The following CDH4 variants were observed in gnomAD, a reference collection of about 807,000 sequenced individuals.
CDH4 encodes the protein cadherin-4.
Under a neutral mutation model 86.0 loss-of-function variants are expected in CDH4, and 33 were observed. The observed-to-expected ratio is 0.38, with a 90% CI of 0.29 to 0.51. The LOEUF (loss-of-function observed/expected upper bound fraction) is 0.51, where lower values mean the gene tolerates loss of function less well. Ranked by LOEUF, CDH4 falls within the 20% of genes least tolerant of loss-of-function variation. The pLI is 0.86. For synonymous variants in CDH4, 555 were observed against 549.4 expected (o/e 1.01, Z -0.14); for missense variants, 1,114 against 1,307.4 (o/e 0.85, Z 2.28).
At chr20:61,772,832 A>T (rs1446845276) in intron 3 of CDH4, among the ~76,000 whole-genome samples, 171 bp from the exon 4 acceptor site, 5 of 150,690 alleles carry the variant, frequency 3.3e-5, no homozygotes, top group African/African-American at 1.2e-4. Context: ...TTTTTCCCTA[A>T]TAGTTCCTTT....
intron 4 of CDH4, among the ~76,000 whole-genome samples, chr20:61,781,840 TAAAG>T (rs1297308727): frequency 1.3e-5 from 2 of 151,976 alleles, no homozygotes; most frequent in African/African-American, 4.8e-5. Flanking sequence ...AATGCAAAAA[TAAAG>T]AAAACATCTC....
chr20:61,879,959 A>G lies in CDH4; in HGVS notation c.1050+6059A>G, dbSNP rs1984208306. 6.6e-6 allele frequency among the ~76,000 whole-genome samples: 1 copy of G among 152,190 alleles called. No homozygotes were observed. The highest frequency in any genetic ancestry group is 2.4e-5 in the African/African-American group (1 of 41,526). Reference sequence around the variant, plus strand: ...CCAAACAAGGGGGGCCGAATTCGTGATCTCCTGGTCTGAAAGGATTCTGGG... The same window carrying G: ...CCAAACAAGGGGGGCCGAATTCGTGGTCTCCTGGTCTGAAAGGATTCTGGG... On this transcript the variant is annotated intron_variant, in intron 7 of 15. Transcript: ENST00000614565. This position sits in a 1 kb window ranked among gnomAD's most constrained non-coding sequence, Gnocchi z 4.1.
chr20:61,795,178 T>C (rs1321264991), intron 4 of CDH4, among the ~76,000 whole-genome samples: 1 of 149,952 alleles, frequency 6.7e-6, no homozygotes, highest in Non-Finnish European at 1.5e-5. Flanking sequence ...ATCATAATAA[T>C]TAAGAGGAGG....
At chr20:61,818,297 G>A (rs889100114) in intron 4 of CDH4, among the ~76,000 whole-genome samples, 3 of 152,186 alleles carry the variant, frequency 2.0e-5, no homozygotes, top group Non-Finnish European at 2.9e-5. Flanking sequence ...GGCCCTCTCT[G>A]CACTGTCCTC....
intron 2 of CDH4, among the ~76,000 whole-genome samples, chr20:61,429,222 C>A (rs1037860247): frequency 6.6e-6 from 1 of 152,148 alleles, no homozygotes; most frequent in Non-Finnish European, 1.5e-5. Context: ...GTAGGGACCA[C>A]CTTTATATCC....
intron 2 of CDH4, among the ~76,000 whole-genome samples, chr20:61,302,679 AC>A (rs1473558340): frequency 2.0e-5 from 3 of 152,132 alleles, no homozygotes; most frequent in Non-Finnish European, 2.9e-5. Context: ...TGTGAGACAC[AC>A]CTGTTTCGGT....
chr20:61,914,916 A>G (rs2054888781), intron 9 of CDH4, among the ~76,000 whole-genome samples: 2 of 152,142 alleles, frequency 1.3e-5, no homozygotes, highest in Admixed American at 1.3e-4. Context: ...TTCATGACCT[A>G]GAGAACTAGT....
intron 5 of CDH4, among the ~76,000 whole-genome samples, chr20:61,846,285 C>T (rs1233252669): frequency 1.3e-5 from 2 of 152,194 alleles, no homozygotes; most frequent in Non-Finnish European, 2.9e-5. Flanking sequence ...TGTGCTGGGC[C>T]CCCCAGGAGT....
At chr20:61,418,212 T>A (rs2085157436) in intron 2 of CDH4, among the ~76,000 whole-genome samples, 1 of 146,720 alleles carries the variant, frequency 6.8e-6, no homozygotes, top group East Asian at 2.0e-4. Context: ...TTTTTTTCTT[T>A]TTTTTTTTTT....
Position 61,252,701 on chromosome 20 carries a change from C to G in CDH4, c.57+131C>G. The stretch of plus-strand genomic sequence containing the variant: ...CCCCCGCCGCGCTCCCCGCTGCATC[C>G]AGCCCGGCGCCCGCGCTCGGCGAAG... On this transcript the variant is annotated intron_variant, in intron 1 of 15. Transcript: ENST00000614565. The surrounding 1 kb of genome is among the most constrained non-coding windows in gnomAD (Gnocchi z 4.4). 2.4e-6 allele frequency: 1 copy of G among 423,160 alleles called. No individual in the cohort carries two copies. The highest frequency in any genetic ancestry group is 1.1e-4 in the South Asian group (1 of 8,696). The allele number at this position is 423,160 out of a possible 1,614,324, so 26.2% of individuals were successfully genotyped here.
chr20:61,298,779 G>A (rs1402537636), intron 2 of CDH4, among the ~76,000 whole-genome samples: 6 of 148,030 alleles, frequency 4.1e-5, no homozygotes, highest in East Asian at 2.0e-4. Flanking sequence ...AAGTTAAGCT[G>A]CGAAGGGGTC....
At chr20:61,526,448 A>G (rs1051165994) in intron 2 of CDH4, among the ~76,000 whole-genome samples, 1 of 152,012 alleles carries the variant, frequency 6.6e-6, no homozygotes, top group South Asian at 2.1e-4. Flanking sequence ...TCATGTTTAT[A>G]TAAGTCTAAA....
chr20:61,769,450 C>T (rs2088748291), intron 3 of CDH4, among the ~76,000 whole-genome samples: 1 of 152,228 alleles, frequency 6.6e-6, no homozygotes, highest in Non-Finnish European at 1.5e-5. Flanking sequence ...CCTTGGTTCC[C>T]CATCTGTTCC....
chr20:61,710,838 T>C (rs377692848), intron 2 of CDH4, among the ~76,000 whole-genome samples: 11 of 152,186 alleles, frequency 7.2e-5, no homozygotes, highest in Admixed American at 2.0e-4. Flanking sequence ...CGAGAGACCA[T>C]GCAGTCCTGA....
At chr20:61,608,857 T>C (rs972911710) in intron 2 of CDH4, among the ~76,000 whole-genome samples, 3 of 152,080 alleles carry the variant, frequency 2.0e-5, no homozygotes, top group African/African-American at 7.2e-5. Context: ...TCACAGCAGA[T>C]GTCCACCTTC....
chr20:61,733,608 G>A (rs2088222966), intron 2 of CDH4, among the ~76,000 whole-genome samples: 1 of 152,014 alleles, frequency 6.6e-6, no homozygotes, highest in East Asian at 1.9e-4. Context: ...ACCCAGGACG[G>A]TACGTAGGGA....
At chr20:61,484,611 T>G (rs1380549272) in intron 2 of CDH4, among the ~76,000 whole-genome samples, 2 of 152,196 alleles carry the variant, frequency 1.3e-5, no homozygotes, top group Non-Finnish European at 2.9e-5. Context: ...AGGAAGAACG[T>G]GGACCACGTT....
At chr20:61,838,838 AG>A (rs368032340) in intron 4 of CDH4, among the ~76,000 whole-genome samples, 3,695 of 123,820 alleles carry the variant, frequency 0.03, 129 homozygotes, top group East Asian at 0.12. Flanking sequence ...AAAAAAAAAA[AG>A]AAAGAAAGAA....
In CDH4 at chr20:61,592,916, T is replaced by A. The variant is rs572603213; in HGVS notation, c.170-150647T>A. Among the ~76,000 whole-genome samples, 5 of 152,278 alleles carry A rather than the reference T, an allele frequency of 3.3e-5. No individual in the cohort carries two copies. In the South Asian group the frequency reaches 1.0e-3, roughly 32 times the overall value. ...ATGGCATGTGATGTGGCAAAGGGAC[T>A]TCGTGGGGGTGACGAAGTTTAGGAC... On this transcript the variant is annotated intron_variant, in intron 2 of 15. Coordinates refer to ENST00000614565, the MANE Select transcript of CDH4 (RefSeq NM_001794.5).
Sources: allele counts gnomAD v4.1 joint callset (sites outside exome capture counted in the v4.1 genomes callset), GRCh38; gene constraint gnomAD v4.1.1; non-coding constraint Gnocchi (gnomAD v3.1); transcripts MANE v1.5; gene names NCBI Gene and HGNC (gene_info 2026-07-23, HGNC 2026-07-21).